Variants in VPS13B observed in about 807,000 individuals in gnomAD.
VPS13B encodes the protein intermembrane lipid transfer protein VPS13B.
VPS13B carries 285 observed loss-of-function variants against 426.4 expected under a neutral mutation model. The ratio of observed to expected loss-of-function variants is 0.67; its 90% CI spans 0.61 to 0.74. The LOEUF is 0.74. Ranked by LOEUF, VPS13B falls within the 30% of genes least tolerant of loss-of-function variation. The pLI, the probability that VPS13B is intolerant of heterozygous loss-of-function variation, is 0.00. For synonymous variants in VPS13B, 1,676 were observed against 1,676.4 expected, an observed-to-expected ratio of 1.00 and a Z score of 0.01; for missense variants, 4,537 against 4,782.6, an observed-to-expected ratio of 0.95 and a Z score of 1.51.
chr8:99,083,817 T>C (rs1481602354), intron 3 of VPS13B, among the ~76,000 whole-genome samples: 3 of 134,298 alleles, frequency 2.2e-5, no homozygotes, highest in South Asian at 2.7e-4. Flanking sequence ...CAACTTCATC[T>C]TGGTGGATAA....
At chr8:99,697,002 A>T (rs1193450151) in intron 35 of VPS13B, 2 of 600,046 alleles carry the variant, frequency 3.3e-6, no homozygotes, top group South Asian at 3.5e-5. Context: ...GAAGTGAGGT[A>T]TGTGGGCCCT....
intron 21 of VPS13B, among the ~76,000 whole-genome samples, chr8:99,400,807 A>C (rs1814992126): frequency 6.6e-6 from 1 of 152,152 alleles, no homozygotes; most frequent in African/African-American, 2.4e-5. Flanking sequence ...AGTAGCTGGG[A>C]TTACAGGTGC....
At chr8:99,768,081 G>A (rs1811316679) in intron 40 of VPS13B, among the ~76,000 whole-genome samples, 1 of 152,128 alleles carries the variant, frequency 6.6e-6, no homozygotes, top group African/African-American at 2.4e-5. Context: ...CTTTGCTCAT[G>A]CCCCCATAAA....
chr8:99,552,309 A>T (rs1227587809), intron 30 of VPS13B, among the ~76,000 whole-genome samples: 3 of 151,826 alleles, frequency 2.0e-5, no homozygotes, highest in African/African-American at 4.8e-5. Flanking sequence ...TGAATTGTGA[A>T]TTTTGTCTGT....
At chr8:99,209,500 G>C (rs1200468937) in intron 17 of VPS13B, 1 of 166,856 alleles carries the variant, frequency 6.0e-6, no homozygotes, top group Non-Finnish European at 1.3e-5. Flanking sequence ...TAGTAGGTAA[G>C]TATATAGCTT....
At chr8:99,064,026 A>G (rs536960062) in intron 3 of VPS13B, among the ~76,000 whole-genome samples, 1 of 152,324 alleles carries the variant, frequency 6.6e-6, no homozygotes, top group Non-Finnish European at 1.5e-5. Context: ...AAGGAAAAAG[A>G]AGGAAAACTA....
At chr8:99,080,563 G>T (rs1335731644) in intron 3 of VPS13B, among the ~76,000 whole-genome samples, 2 of 151,918 alleles carry the variant, frequency 1.3e-5, no homozygotes, top group Non-Finnish European at 2.9e-5. Context: ...CTGTTTCTGG[G>T]CTCTCCTCTG....
At chr8:99,607,191 T>C (rs1251931904) in intron 33 of VPS13B, among the ~76,000 whole-genome samples, 2 of 152,220 alleles carry the variant, frequency 1.3e-5, no homozygotes, top group Non-Finnish European at 2.9e-5. Context: ...CTTCCCTCTT[T>C]TCCAAGAGAA....
intron 21 of VPS13B, 131 bp downstream of exon 21, chr8:99,391,835 C>G: frequency 8.2e-7 from 1 of 1,213,326 alleles, no homozygotes; most frequent in Admixed American, 2.0e-5. Context: ...ACTTTATTAT[C>G]CACAACATTA....
At chr8:99,152,577 G>C (rs1400541947) in intron 14 of VPS13B, among the ~76,000 whole-genome samples, 1 of 152,160 alleles carries the variant, frequency 6.6e-6, no homozygotes, top group Non-Finnish European at 1.5e-5. Context: ...ATATCTGATA[G>C]AGGGATATTG....
chr8:99,594,481 G>A (rs770669268), intron 33 of VPS13B, among the ~76,000 whole-genome samples: 1 of 151,968 alleles, frequency 6.6e-6, no homozygotes, highest in African/African-American at 2.4e-5. Context: ...TCTAGAGATC[G>A]TTAATTTTCA....
At chr8:99,482,198 T>C (rs1820073725) in intron 25 of VPS13B, among the ~76,000 whole-genome samples, 1 of 152,062 alleles carries the variant, frequency 6.6e-6, no homozygotes. Flanking sequence ...TTTAGATTAG[T>C]GGTTTTCAAC....
At chr8:99,793,996 C>T (rs1812687119) in intron 43 of VPS13B, among the ~76,000 whole-genome samples, 1 of 152,188 alleles carries the variant, frequency 6.6e-6, no homozygotes, top group Non-Finnish European at 1.5e-5. Context: ...TGGTGCTTCA[C>T]ACCTATAATC....
chr8:99,690,114 G>C (rs183339775), intron 35 of VPS13B, among the ~76,000 whole-genome samples: 5 of 152,240 alleles, frequency 3.3e-5, no homozygotes. Context: ...AGAGGCAAAT[G>C]TGTGAGTCAT....
At chr8:99,266,389 G>A (rs752288660) in intron 17 of VPS13B, among the ~76,000 whole-genome samples, 15 of 151,902 alleles carry the variant, frequency 9.9e-5, no homozygotes, top group Admixed American at 3.3e-4. Flanking sequence ...TCCAGCCTGG[G>A]CAACAGAGTG....
rs1451727023 is a variant in VPS13B at position 99,218,410 on chromosome 8, A to T, written c.2515+25353A>T. ...GGAGATGATTCCTTTGTGATGACAG[A>T]TGCATTTGTTGACATTTATTTACAG... is the stretch of plus-strand genomic sequence containing the variant. On this transcript the variant is annotated intron_variant, in intron 17 of 61. Coordinates refer to ENST00000357162, the MANE Select transcript of VPS13B (RefSeq NM_152564.5). 2.6e-5 allele frequency among the ~76,000 whole-genome samples: 4 copies of T among 152,282 alleles called. No homozygotes were observed. In the East Asian group the frequency reaches 7.7e-4, roughly 29 times the overall value.
At chr8:99,204,479 G>C (rs76733920) in intron 17 of VPS13B, among the ~76,000 whole-genome samples, 1 of 152,088 alleles carries the variant, frequency 6.6e-6, no homozygotes, top group Admixed American at 6.6e-5. Context: ...ACACCAAAAG[G>C]AATGGCAACA....
rs187776596 is a variant in VPS13B, at chr8:99,137,083, T to C, written c.1651+331T>C. 2.0e-5 allele frequency among the ~76,000 whole-genome samples: 3 copies of C among 152,226 alleles called. No homozygotes were observed. In the East Asian group the frequency reaches 5.8e-4, roughly 29 times the overall value. On this transcript the variant is annotated intron_variant, in intron 12 of 61. Coordinates refer to ENST00000357162, the MANE Select transcript of VPS13B (RefSeq NM_152564.5). ...AACCTTTTCTATTCTAAATACACTT[T>C]GAAGGTGATACTAATTTTTAATTAA...
At chr8:99,657,821 A>ATTTT (rs1284070730) in intron 34 of VPS13B, among the ~76,000 whole-genome samples, 4 of 152,178 alleles carry the variant, frequency 2.6e-5, no homozygotes, top group Non-Finnish European at 4.4e-5. Flanking sequence ...CCTGATTCCA[A>ATTTT]GGACATGTAC....
Sources: allele counts gnomAD v4.1 joint callset (sites outside exome capture counted in the v4.1 genomes callset), GRCh38; gene constraint gnomAD v4.1.1; transcripts MANE v1.5; gene names NCBI Gene and HGNC (gene_info 2026-07-23, HGNC 2026-07-21).